Variants in FOXN2 observed in about 807,000 individuals in gnomAD.
FOXN2 encodes the protein forkhead box N2, also known as forkhead box protein N2.
Under a neutral mutation model 41.2 loss-of-function variants are expected in FOXN2, and 19 were observed. That is an observed-to-expected ratio of 0.46 (90% confidence interval 0.32 to 0.68). The LOEUF is 0.68. Among genes scored for constraint, FOXN2 ranks in the 30% least tolerant of loss-of-function variants. The pLI is 0.03. For synonymous variants in FOXN2, 195 were observed against 176.8 expected (o/e 1.10, Z -0.82); for missense variants, 587 against 509.4 (o/e 1.15, Z -1.47).
chr2:48,341,964 G>A (rs575864544), intron 2 of FOXN2, among the ~76,000 whole-genome samples: 186 of 152,302 alleles, frequency 1.2e-3, no homozygotes, highest in African/African-American at 4.4e-3. Flanking sequence ...TTTGACTTGA[G>A]CTCTCTGATA....
intron 6 of FOXN2, among the ~76,000 whole-genome samples, chr2:48,373,812 T>G (rs1673061788): frequency 1.3e-5 from 2 of 152,104 alleles, no homozygotes; most frequent in African/African-American, 4.8e-5. Context: ...CTAGCACTTT[T>G]GGGAGAACAA....
chr2:48,334,539 A>G (rs1421501622), intron 2 of FOXN2, among the ~76,000 whole-genome samples: 1 of 152,268 alleles, frequency 6.6e-6, no homozygotes, highest in Non-Finnish European at 1.5e-5. Flanking sequence ...AAGTACCTTC[A>G]GCTTTCTGCT....
intron 2 of FOXN2, among the ~76,000 whole-genome samples, chr2:48,335,867 A>T (rs1273074669): frequency 6.6e-6 from 1 of 151,488 alleles, no homozygotes. Flanking sequence ...CTCTACTAAG[A>T]ATAGAAAAAA....
At chr2:48,315,708 A>G (rs1221211664) in intron 1 of FOXN2, among the ~76,000 whole-genome samples, 2 of 152,018 alleles carry the variant, frequency 1.3e-5, no homozygotes, top group African/African-American at 4.8e-5. Context: ...ATCCTCCACT[A>G]CTTAACTCCA....
chr2:48,343,725 C>A (rs1383492573), intron 2 of FOXN2, among the ~76,000 whole-genome samples: 1 of 151,336 alleles, frequency 6.6e-6, no homozygotes, highest in Non-Finnish European at 1.5e-5. Flanking sequence ...CGCCACTGTA[C>A]TACAGCCTGG....
At chr2:48,349,745 G>A (rs143396391) in intron 3 of FOXN2, among the ~76,000 whole-genome samples, 1 of 152,198 alleles carries the variant, frequency 6.6e-6, no homozygotes, top group Admixed American at 6.5e-5. Context: ...TGGGCAACAA[G>A]AGTGAAACTC....
intron 2 of FOXN2, among the ~76,000 whole-genome samples, chr2:48,334,024 T>C (rs531760683): frequency 2.6e-5 from 4 of 152,228 alleles, no homozygotes; most frequent in Admixed American, 6.5e-5. Flanking sequence ...TACAGTACCA[T>C]TGAGGACTAA....
intron 3 of FOXN2, among the ~76,000 whole-genome samples, chr2:48,354,367 T>G (rs7574125): frequency 0.013 from 2,049 of 152,166 alleles, 43 homozygotes; most frequent in African/African-American, 0.046. Flanking sequence ...TTTTGGAGGC[T>G]GAGGTGGGCG....
intron 6 of FOXN2, 43 bp from the exon 7 acceptor site, chr2:48,374,877 C>G (rs1419162953): frequency 6.5e-7 from 1 of 1,529,962 alleles, no homozygotes; most frequent in Non-Finnish European, 8.8e-7. Context: ...GTTTTTGCAA[C>G]CAAACACATT....
chr2:48,346,487 T>C lies in FOXN2; in HGVS notation c.273T>C (p.Asp91=). Residue 91 remains aspartate, a synonymous_variant, in exon 3 of 7, where the codon GAT becomes GAC. Transcript: ENST00000340553. ...IVSPLYDIEG[D]DVPSFGPACY... The stretch of plus-strand genomic sequence containing the variant: ...GTCCATTGTATGACATAGAGGGAGA[T>C]GATGTGCCATCCTTTGGACCAGCTT... 6.2e-7 allele frequency: 1 copy of C among 1,614,130 alleles called. No homozygotes were observed. The highest frequency in any genetic ancestry group is 8.5e-7 in the Non-Finnish European group (1 of 1,180,016).
At chr2:48,365,748 G>A (rs1672489255) in intron 5 of FOXN2, among the ~76,000 whole-genome samples, 1 of 152,134 alleles carries the variant, frequency 6.6e-6, no homozygotes, top group Non-Finnish European at 1.5e-5. Flanking sequence ...GAGGTCGTTG[G>A]CATTCTAGGT....
At chr2:48,318,394 T>A (rs1268157454) in intron 1 of FOXN2, among the ~76,000 whole-genome samples, 1 of 152,234 alleles carries the variant, frequency 6.6e-6, no homozygotes, top group Non-Finnish European at 1.5e-5. Flanking sequence ...ATTTTTCTGA[T>A]GATTAGACTG....
In FOXN2 at chr2:48,375,005, A is replaced by T. The variant is rs568712629; in HGVS notation, c.858A>T (p.Leu286Phe). The T allele has an allele frequency of 3.1e-6, 5 of 1,613,942 alleles. No homozygotes were observed. The highest frequency in any genetic ancestry group is 1.3e-5 in the African/African-American group (1 of 74,920). Reference sequence around the variant, plus strand: ...TTCATCATCCCAGTGCTGTACGATTACAAGAGAGTGATTCTTTAGCCACCA... The same window carrying T: ...TTCATCATCCCAGTGCTGTACGATTTCAAGAGAGTGATTCTTTAGCCACCA... The part of the protein sequence containing the change: ...NAFHHPSAVR[L>F]QESDSLATSI... Residue 286 changes from leucine to phenylalanine, a missense_variant, in exon 7 of 7, where the codon TTA (leucine) becomes TTT (phenylalanine). By Grantham distance (22) the Leu-to-Phe change is conservative. Transcript: ENST00000340553.
chr2:48,319,813 G>A (rs944749964), intron 1 of FOXN2, among the ~76,000 whole-genome samples: 1 of 116,954 alleles, frequency 8.6e-6, no homozygotes, highest in Non-Finnish European at 1.8e-5. Context: ...TTTTTTTTTG[G>A]TAGAGGGGAG....
intron 1 of FOXN2, among the ~76,000 whole-genome samples, chr2:48,326,380 A>G (rs1202930237): frequency 6.6e-6 from 1 of 152,188 alleles, no homozygotes; most frequent in Non-Finnish European, 1.5e-5. Context: ...TCTTGTATAC[A>G]AGGTTAAGGA....
intron 1 of FOXN2, among the ~76,000 whole-genome samples, chr2:48,323,197 T>C (rs1669449883): frequency 6.6e-6 from 1 of 152,080 alleles, no homozygotes; most frequent in Admixed American, 6.6e-5. Flanking sequence ...TTTTTGAGGG[T>C]ACATGTGATA....
At chr2:48,344,196 T>C (rs1670949959) in intron 2 of FOXN2, among the ~76,000 whole-genome samples, 1 of 152,212 alleles carries the variant, frequency 6.6e-6, no homozygotes, top group Admixed American at 6.5e-5. Flanking sequence ...AAATACATTG[T>C]GTGCTCATAT....
chr2:48,362,865 C>T (rs1386104671), intron 5 of FOXN2, among the ~76,000 whole-genome samples, 158 bp downstream of exon 5: 3 of 152,184 alleles, frequency 2.0e-5, no homozygotes, highest in African/African-American at 7.2e-5. Context: ...TGGCACAACG[C>T]ATTTACTGAA....
At chr2:48,365,692 G>A (rs943422735) in intron 5 of FOXN2, among the ~76,000 whole-genome samples, 1 of 152,132 alleles carries the variant, frequency 6.6e-6, no homozygotes, top group Non-Finnish European at 1.5e-5. Flanking sequence ...ATTCCTATAT[G>A]CATGAGTCTT....
Sources: allele counts gnomAD v4.1 joint callset (sites outside exome capture counted in the v4.1 genomes callset), GRCh38; gene constraint gnomAD v4.1.1; transcripts MANE v1.5; gene names NCBI Gene and HGNC (gene_info 2026-07-23, HGNC 2026-07-21).